ARHGAP23: variants seen among roughly 807,000 people sequenced by gnomAD.
ARHGAP23 encodes the protein Rho GTPase activating protein 23, also known as rho GTPase-activating protein 23.
In ARHGAP23, 34 loss-of-function variants were observed where a neutral mutation model predicts 136.3. The ratio of observed to expected loss-of-function variants is 0.25; its 90% CI spans 0.19 to 0.33. The LOEUF is 0.33. ARHGAP23 is among the 10% of genes least tolerant of loss of function. The pLI is 1.00. For missense variants in ARHGAP23, 1,808 were observed against 2,139.0 expected (o/e 0.85, Z 3.05); for synonymous variants, 832 against 920.5 (o/e 0.90, Z 1.74).
chr17:38,460,286 A>G (rs1412592252), intron 2 of ARHGAP23, among the ~76,000 whole-genome samples: 1 of 152,276 alleles, frequency 6.6e-6, no homozygotes, highest in African/African-American at 2.4e-5. Context: ...AAGAACTTCC[A>G]TTGGCTCCCT....
intron 5 of ARHGAP23, 39 bp from the exon 6 acceptor site, chr17:38,463,289 G>T: frequency 6.4e-7 from 1 of 1,551,620 alleles, no homozygotes; most frequent in Non-Finnish European, 8.7e-7. Context: ...CCTGGACCCT[G>T]TTCCTTGACC....
Position 38,510,445 on chromosome 17 carries a change from ACT to A in ARHGAP23, c.3952_3953del (p.Leu1318GlyfsTer98). On this transcript the variant is annotated frameshift_variant, in exon 24 of 24. Coordinates refer to ENST00000622683, the MANE Select transcript of ARHGAP23 (RefSeq NM_001199417.2). LOFTEE classifies it high-confidence loss of function. The surrounding 1 kb of genome is among the most constrained non-coding windows in gnomAD (Gnocchi z 4.6). ...FSSHHLMPCD[T>X]LARRRLARGR... ...CTCGCACCACCTCATGCCCTGCGACACTCTGGCGCGCCGCCGCCTGGCCCGGG... is the reference window on the plus strand; with the variant it reads ...CTCGCACCACCTCATGCCCTGCGACACTGGCGCGCCGCCGCCTGGCCCGGG... 1 of 1,213,798 alleles carries A rather than the reference ACT, an allele frequency of 8.2e-7. No homozygotes were observed. The highest frequency in any genetic ancestry group is 1.0e-6 in the Non-Finnish European group (1 of 977,422). The allele number at this position is 1,213,798 out of a possible 1,614,324, so 75.2% of individuals were successfully genotyped here.
At position 38,477,598 on chromosome 17, in the gene ARHGAP23, G is replaced by A. The variant is rs1470819301; in HGVS notation, c.2138G>A (p.Arg713His). 1.1e-5 allele frequency: 14 copies of A among 1,279,066 alleles called. No homozygotes were observed. Among genetic ancestry groups the A allele is most frequent in the African/African-American group, 3.1e-5 (2 of 63,712 alleles). 79.2% of individuals were successfully genotyped at this position (1,279,066 alleles called of 1,614,324 possible). A position where few individuals can be genotyped will look rare whatever the true frequency, so the allele number is the denominator to read the frequency against. Residue 713 changes from arginine (R) to histidine (H), a missense_variant, in exon 12 of 24, where the codon CGC (arginine) becomes CAC (histidine). Physicochemically the swap from Arg to His is conservative, Grantham distance 29. Around this residue, in one of 7 missense-constraint regions of ARHGAP23, gnomAD observed 139 missense variants for 264.3 expected, o/e 0.53. Coordinates refer to ENST00000622683, the MANE Select transcript of ARHGAP23 (RefSeq NM_001199417.2). This position sits in a 1 kb window ranked among gnomAD's most constrained non-coding sequence, Gnocchi z 6.6. ...CTGCAGAAAGCGGGCAGCGGCCTGC[G>A]CCAGTGGAAGCGGGTGTACGCCGCG... The part of the protein sequence containing the change: ...KKGKKAGSGL[R>H]QWKRVYAALR...
intron 1 of ARHGAP23, among the ~76,000 whole-genome samples, chr17:38,448,624 C>G (rs2039086189): frequency 6.7e-6 from 1 of 148,676 alleles, no homozygotes; most frequent in South Asian, 2.1e-4. Flanking sequence ...TGTGCTGCCA[C>G]TGAAAGAACT....
chr17:38,510,904 G>C lies in ARHGAP23; in HGVS notation c.4408G>C (p.Asp1470His). The C allele has an allele frequency of 6.7e-7, 1 of 1,491,030 alleles. No individual in the cohort carries two copies. The highest frequency in any genetic ancestry group is 8.9e-7 in the Non-Finnish European group (1 of 1,129,318). 92.4% of individuals were successfully genotyped at this position (1,491,030 alleles called of 1,614,324 possible). A position where few individuals can be genotyped will look rare whatever the true frequency, so the allele number is the denominator to read the frequency against. ...SAASQPPAPG[D>H]TGSLQSQPPR... The stretch of plus-strand genomic sequence containing the variant: ...TGCCTCGCAGCCGCCCGCGCCCGGG[G>C]ACACGGGGTCCCTGCAGAGCCAGCC... The change falls in exon 24 of 24, where the codon GAC becomes CAC. Residue 1470 changes from aspartate to histidine, a missense_variant. Coordinates refer to ENST00000622683, the MANE Select transcript of ARHGAP23 (RefSeq NM_001199417.2). The surrounding 1 kb of genome is among the most constrained non-coding windows in gnomAD (Gnocchi z 4.6).
At chr17:38,478,331 G>A (rs2039947406) in intron 12 of ARHGAP23, among the ~76,000 whole-genome samples, 1 of 152,188 alleles carries the variant, frequency 6.6e-6, no homozygotes. Context: ...TGAGCACATT[G>A]ACCTTGTGAG....
At chr17:38,470,273 C>T (rs2039719692) in intron 10 of ARHGAP23, among the ~76,000 whole-genome samples, 1 of 152,280 alleles carries the variant, frequency 6.6e-6, no homozygotes, top group African/African-American at 2.4e-5. Flanking sequence ...TTTTCCTCCT[C>T]AGCACGCCTC....
chr17:38,487,862 T>C (rs917906857), intron 17 of ARHGAP23, among the ~76,000 whole-genome samples: 1 of 151,764 alleles, frequency 6.6e-6, no homozygotes, highest in African/African-American at 2.4e-5. Flanking sequence ...AGACTCCATC[T>C]CAAAATAAAT....
At chr17:38,500,225 A>T (rs2040491093) in intron 22 of ARHGAP23, 1 of 291,080 alleles carries the variant, frequency 3.4e-6, no homozygotes, top group African/African-American at 2.2e-5. Flanking sequence ...GTTTCCATGG[A>T]CTGCACCTGA....
chr17:38,481,103 G>A (rs918864993), intron 14 of ARHGAP23, among the ~76,000 whole-genome samples: 28 of 152,004 alleles, frequency 1.8e-4, no homozygotes, highest in African/African-American at 6.8e-4. Context: ...AGCCCCGCTA[G>A]TAACTGGGAT....
rs376756665 is a variant in ARHGAP23 at position 38,499,177 on chromosome 17, C to T, written c.3415+667C>T. ...CACTCACTGGGCCCAGGGCCCTCCCCGTTGCCTGGACACCTGGGCATCGAA... is the reference window on the plus strand; with the variant it reads ...CACTCACTGGGCCCAGGGCCCTCCCTGTTGCCTGGACACCTGGGCATCGAA... On this transcript the variant is annotated intron_variant, in intron 22 of 23. Coordinates refer to ENST00000622683, the MANE Select transcript of ARHGAP23 (RefSeq NM_001199417.2). 2.3e-4 allele frequency among the ~76,000 whole-genome samples: 35 copies of T among 152,322 alleles called. No individual in the cohort carries two copies. The East Asian group carries it at 6.4e-3, about 28-fold the overall frequency.
intron 23 of ARHGAP23, among the ~76,000 whole-genome samples, chr17:38,503,930 G>A (rs1178543433): frequency 6.6e-6 from 1 of 152,254 alleles, no homozygotes; most frequent in Non-Finnish European, 1.5e-5. Context: ...CAGCCAGTAT[G>A]CAGATAACTT....
chr17:38,485,185 G>C (rs1409071318), intron 16 of ARHGAP23, among the ~76,000 whole-genome samples: 2 of 152,182 alleles, frequency 1.3e-5, no homozygotes. Context: ...GGGTTGTCCT[G>C]TGCACTGGAG....
chr17:38,499,478 C>T (rs1472829133), intron 22 of ARHGAP23, among the ~76,000 whole-genome samples: 1 of 152,192 alleles, frequency 6.6e-6, no homozygotes, highest in African/African-American at 2.4e-5. Context: ...GGGCCACTCC[C>T]TTTGTGGCTG....
intron 1 of ARHGAP23, among the ~76,000 whole-genome samples, chr17:38,454,744 C>T (rs114727772): frequency 6.6e-6 from 1 of 152,258 alleles, no homozygotes; most frequent in African/African-American, 2.4e-5. Context: ...CATGCCCGGC[C>T]TGAACACTGT....
In ARHGAP23 at chr17:38,469,317, C is replaced by G. The variant is rs1164166334; in HGVS notation, c.1804+18C>G. On this transcript the variant is annotated intron_variant, in intron 8 of 23. Coordinates refer to ENST00000622683, the MANE Select transcript of ARHGAP23 (RefSeq NM_001199417.2). Reference sequence around the variant, plus strand: ...GGACTGCAGTGAGCACTCCCCACACCCCCAGCCCCACCCTCTCCCTCGCTG... The same window carrying G: ...GGACTGCAGTGAGCACTCCCCACACGCCCAGCCCCACCCTCTCCCTCGCTG... 6.5e-7 allele frequency: 1 copy of G among 1,543,206 alleles called. No homozygotes were observed. The highest frequency in any genetic ancestry group is 2.4e-5 in the East Asian group (1 of 40,874).
chr17:38,511,016 C>A lies in ARHGAP23; in HGVS notation c.*44C>A. Reference sequence around the variant, plus strand: ...CTCGGGCGCCACCCCTCCCTAGAGCCCCTTTGGAACCAGGAGGCTTCACCA... The same window carrying A: ...CTCGGGCGCCACCCCTCCCTAGAGCACCTTTGGAACCAGGAGGCTTCACCA... On this transcript the variant is annotated 3_prime_UTR_variant, in exon 24 of 24. Transcript: ENST00000622683. The A allele has an allele frequency of 7.2e-7, 1 of 1,385,526 alleles. No homozygotes were observed. The highest frequency in any genetic ancestry group is 9.3e-7 in the Non-Finnish European group (1 of 1,080,358). The allele number at this position is 1,385,526 out of a possible 1,614,324, so 85.8% of individuals were successfully genotyped here.
chr17:38,477,474 C>T lies in ARHGAP23; in HGVS notation c.2119-105C>T, dbSNP rs951064139. 11 of 1,056,888 alleles carry T rather than the reference C, an allele frequency of 1.0e-5. No homozygotes were observed. The highest frequency in any genetic ancestry group is 1.0e-4 in the Admixed American group (2 of 19,232). The allele number at this position is 1,056,888 out of a possible 1,614,324, so 65.5% of individuals were successfully genotyped here. ...GGAGCAGGGGGCTCCTGGTAGGCAG[C>T]GTGGGGTCCATCCCCTGGCTGTCCT... is the stretch of plus-strand genomic sequence containing the variant. On this transcript the variant is annotated intron_variant, in intron 11 of 23. Coordinates refer to ENST00000622683, the MANE Select transcript of ARHGAP23 (RefSeq NM_001199417.2). The surrounding 1 kb of genome is among the most constrained non-coding windows in gnomAD (Gnocchi z 6.6).
rs931587556 is a variant in ARHGAP23, at chr17:38,469,326, C to T, written c.1804+27C>T. The T allele has an allele frequency of 1.2e-5, 18 of 1,537,428 alleles. No homozygotes were observed. In the Admixed American group the frequency reaches 3.0e-4, roughly 26 times the overall value. ...TGAGCACTCCCCACACCCCCAGCCC[C>T]ACCCTCTCCCTCGCTGCCCAGTCCC... is the stretch of plus-strand genomic sequence containing the variant. On this transcript the variant is annotated intron_variant, in intron 8 of 23. Coordinates refer to ENST00000622683, the MANE Select transcript of ARHGAP23 (RefSeq NM_001199417.2).
Sources: allele counts gnomAD v4.1 joint callset (sites outside exome capture counted in the v4.1 genomes callset), GRCh38; gene constraint gnomAD v4.1.1; regional missense constraint gnomAD v4.1.1; non-coding constraint Gnocchi (gnomAD v3.1); transcripts MANE v1.5; gene names NCBI Gene and HGNC (gene_info 2026-07-23, HGNC 2026-07-21).